PDZD2: variants seen among roughly 807,000 people sequenced by gnomAD.
PDZD2 encodes PDZ domain-containing protein 2.
A neutral mutation model predicts 220.7 loss-of-function variants in PDZD2; 90 were observed. That is an observed-to-expected ratio of 0.41 (90% confidence interval 0.34 to 0.49). The LOEUF is 0.49. PDZD2 is among the 20% of genes least tolerant of loss of function. The probability of loss-of-function intolerance (pLI) is 0.28; values close to 1 mark genes in which losing one functional copy is unlikely to be tolerated. For missense variants in PDZD2, 3,174 were observed against 3,608.5 expected (o/e 0.88, Z 3.08); for synonymous variants, 1,375 against 1,450.5 (o/e 0.95, Z 1.18).
Position 32,037,990 on chromosome 5 carries a change from C to T in PDZD2, c.1519+648C>T, listed in dbSNP as rs576227674. On this transcript the variant is annotated intron_variant, in intron 7 of 24. Transcript: ENST00000438447. ...CCGAGTAGCTGGGATTACAAGCGCCCGCCACCGTGCCTGGCTAATTTTTTT... is the reference window on the plus strand; with the variant it reads ...CCGAGTAGCTGGGATTACAAGCGCCTGCCACCGTGCCTGGCTAATTTTTTT... Among the ~76,000 whole-genome samples the T allele has an allele frequency of 6.7e-4, 101 of 151,302 alleles. 1 individual carries two copies. The highest frequency in any genetic ancestry group is 1.4e-3 in the African/African-American group (56 of 41,288).
intron 1 of PDZD2, among the ~76,000 whole-genome samples, chr5:31,783,196 T>C (rs911983888): frequency 6.6e-6 from 1 of 152,206 alleles, no homozygotes; most frequent in Non-Finnish European, 1.5e-5. Flanking sequence ...CATTCCTCAC[T>C]GGCTTAACCA....
At chr5:32,100,830 T>C (rs1218811059) in intron 23 of PDZD2, 2 of 1,394,860 alleles carry the variant, frequency 1.4e-6, no homozygotes, top group East Asian at 3.0e-5. Flanking sequence ...GGATTTCTGC[T>C]TGGGCATAAA....
At chr5:31,822,698 C>T in intron 2 of PDZD2, 2 of 1,298,138 alleles carry the variant, frequency 1.5e-6, no homozygotes, top group Non-Finnish European at 2.1e-6. Context: ...TCATTTCCTT[C>T]AAGGATTAAT....
At chr5:31,952,602 G>A (rs1747279519) in intron 2 of PDZD2, among the ~76,000 whole-genome samples, 1 of 152,136 alleles carries the variant, frequency 6.6e-6, no homozygotes. Flanking sequence ...AATGGACCCT[G>A]CAGACATTCT....
intron 5 of PDZD2, among the ~76,000 whole-genome samples, chr5:32,002,955 CACACACA>C (rs1463097026): frequency 8.1e-6 from 1 of 124,120 alleles, no homozygotes; most frequent in Non-Finnish European, 1.7e-5. Context: ...ACACACACAC[CACACACA>C]CACCAACACA....
At chr5:31,835,426 C>A (rs1756888009) in intron 2 of PDZD2, among the ~76,000 whole-genome samples, 2 of 98,592 alleles carry the variant, frequency 2.0e-5, no homozygotes, top group Non-Finnish European at 4.4e-5. Context: ...CGAGACCAGC[C>A]TGGCCAACAT....
intron 6 of PDZD2, among the ~76,000 whole-genome samples, chr5:32,031,349 T>C (rs921104276): frequency 1.3e-5 from 2 of 152,214 alleles, no homozygotes; most frequent in Admixed American, 6.5e-5. Context: ...ATCATGTATT[T>C]CTTTATTTTC....
chr5:31,891,305 T>C (rs1561546189), intron 2 of PDZD2, among the ~76,000 whole-genome samples: 2 of 151,658 alleles, frequency 1.3e-5, no homozygotes, highest in South Asian at 4.2e-4. Flanking sequence ...CCCGGCTAAT[T>C]TTTGTATTTT....
At chr5:31,783,903 C>T (rs945501400) in intron 1 of PDZD2, among the ~76,000 whole-genome samples, 3 of 152,106 alleles carry the variant, frequency 2.0e-5, no homozygotes, top group Non-Finnish European at 2.9e-5. Context: ...TTCCAATCTG[C>T]AGGGAGTTTT....
chr5:31,932,905 CTT>C (rs59343179), intron 2 of PDZD2, among the ~76,000 whole-genome samples: 5 of 60,886 alleles, frequency 8.2e-5, no homozygotes, highest in South Asian at 4.3e-4. Context: ...GCATAGTGTC[CTT>C]TTTTTTTTTT....
chr5:31,669,559 C>T (rs1746134996), intron 1 of PDZD2, among the ~76,000 whole-genome samples: 1 of 152,144 alleles, frequency 6.6e-6, no homozygotes, highest in Non-Finnish European at 1.5e-5. Flanking sequence ...CAAAGTGAAG[C>T]CTGCAAGGGG....
At chr5:31,689,353 A>ATATATTTTTTTTTTTTTTT in intron 1 of PDZD2, among the ~76,000 whole-genome samples, 1 of 35,122 alleles carries the variant, frequency 2.8e-5, no homozygotes, top group Non-Finnish European at 4.2e-5. Context: ...ATATATATAT[A>ATATATTTTTTTTTTTTTTT]TTTTTTTTTT....
At chr5:31,700,936 T>TG (rs1747579007) in intron 1 of PDZD2, among the ~76,000 whole-genome samples, 1 of 152,190 alleles carries the variant, frequency 6.6e-6, no homozygotes, top group Admixed American at 6.5e-5. Flanking sequence ...TCCCATCTCC[T>TG]GGGGGGCTGT....
intron 2 of PDZD2, among the ~76,000 whole-genome samples, chr5:31,961,342 G>GGAAACATGGC (rs1476419239): frequency 9.3e-5 from 13 of 140,130 alleles, no homozygotes. Context: ...GGGCAGCTGG[G>GGAAACATGGC]GAAACATGGC....
intron 2 of PDZD2, among the ~76,000 whole-genome samples, chr5:31,875,239 T>C (rs1432753408): frequency 6.6e-6 from 1 of 152,168 alleles, no homozygotes; most frequent in Non-Finnish European, 1.5e-5. Flanking sequence ...GTGGAAAATA[T>C]ATAATTAGAT....
At chr5:32,078,610 CT>C (rs1741560083) in intron 19 of PDZD2, among the ~76,000 whole-genome samples, 4 of 131,376 alleles carry the variant, frequency 3.0e-5, no homozygotes, top group Non-Finnish European at 6.2e-5. Flanking sequence ...CCAGCCTGGG[CT>C]ATACAGTGAA....
chr5:31,839,813 T>C (rs1004315577), intron 2 of PDZD2, among the ~76,000 whole-genome samples: 5 of 152,216 alleles, frequency 3.3e-5, no homozygotes, highest in African/African-American at 1.2e-4. Flanking sequence ...GCTGTTCTCA[T>C]GACAGTGAGT....
intron 5 of PDZD2, among the ~76,000 whole-genome samples, chr5:32,008,088 G>A (rs1752979953): frequency 6.6e-6 from 1 of 151,562 alleles, no homozygotes; most frequent in Non-Finnish European, 1.5e-5. Flanking sequence ...CCAGGAGTTC[G>A]AGACCAGCCT....
intron 2 of PDZD2, among the ~76,000 whole-genome samples, chr5:31,978,289 C>T (rs1749963451): frequency 1.3e-5 from 2 of 152,070 alleles, no homozygotes; most frequent in Admixed American, 1.3e-4. Context: ...GATTCTAATG[C>T]TGGGTAAGGA....
Sources: gnomAD v4.1 joint callset for allele counts (sites outside exome capture counted in the v4.1 genomes callset) on GRCh38, gnomAD v4.1.1 for gene constraint, MANE v1.5 for transcripts, NCBI Gene and HGNC (gene_info 2026-07-23, HGNC 2026-07-21) for gene names.